The following ELP2 variants were observed in gnomAD, a reference collection of about 807,000 sequenced individuals.
The protein encoded by ELP2 is elongator acetyltransferase complex subunit 2, also known as elongator complex protein 2.
Under a neutral mutation model 119.2 loss-of-function variants are expected in ELP2, and 90 were observed. The ratio of observed to expected loss-of-function variants is 0.75; its 90% CI spans 0.64 to 0.90. The LOEUF is 0.90. Among genes scored for constraint, ELP2 ranks in the 40% least tolerant of loss-of-function variants. The probability of loss-of-function intolerance (pLI) is 0.00; values close to 1 mark genes in which losing one functional copy is unlikely to be tolerated. For missense variants in ELP2, 921 were observed against 967.8 expected (o/e 0.95, Z 0.64); for synonymous variants, 339 against 331.0 (o/e 1.02, Z -0.26).
At chr18:36,133,126 G>A in intron 1 of ELP2, 112 bp from the exon 2 acceptor site, 1 of 764,400 alleles carries the variant, frequency 1.3e-6, no homozygotes, top group Non-Finnish European at 2.3e-6. Context: ...TCTGTTTGAT[G>A]TAAACCTGAT....
At position 36,159,940 on chromosome 18, in the gene ELP2, A is replaced by G. The variant is rs1199687060; in HGVS notation, c.1631-18A>G. 4 of 1,613,686 alleles carry G rather than the reference A, an allele frequency of 2.5e-6. No homozygotes were observed. Among genetic ancestry groups the G allele is most frequent in the Non-Finnish European group, 3.4e-6 (4 of 1,179,742 alleles). ...AATTCACTTTTACATAGAAAAAAATAGCTTCAATTTATTCTAGAGCCTCCC... is the reference window on the plus strand; with the variant it reads ...AATTCACTTTTACATAGAAAAAAATGGCTTCAATTTATTCTAGAGCCTCCC... On this transcript the variant is annotated intron_variant, in intron 15 of 21. Coordinates refer to ENST00000358232, the MANE Select transcript of ELP2 (RefSeq NM_018255.4).
intron 21 of ELP2, among the ~76,000 whole-genome samples, chr18:36,172,088 C>T (rs910800756): frequency 7.4e-6 from 1 of 135,472 alleles, no homozygotes. Flanking sequence ...ACCAGTGAGA[C>T]CCCTGGTCTC....
chr18:36,164,097 T>C (rs2090821900), intron 17 of ELP2, among the ~76,000 whole-genome samples: 1 of 152,206 alleles, frequency 6.6e-6, no homozygotes, highest in South Asian at 2.1e-4. Context: ...TTTTTAAAAG[T>C]AAACCCTTTA....
intron 1 of ELP2, among the ~76,000 whole-genome samples, chr18:36,132,020 C>T (rs527655396): frequency 1.4e-5 from 2 of 140,842 alleles, no homozygotes; most frequent in African/African-American, 2.7e-5. Flanking sequence ...AAGTGATTCT[C>T]GTGCCTCAGC....
intron 13 of ELP2, among the ~76,000 whole-genome samples, chr18:36,158,090 T>G (rs1208050287): frequency 6.6e-6 from 1 of 152,186 alleles, no homozygotes; most frequent in African/African-American, 2.4e-5. Flanking sequence ...TAGTTTTTCT[T>G]TGTTTCTGAG....
chr18:36,170,140 C>T lies in ELP2; in HGVS notation c.2154C>T (p.Asp718=), dbSNP rs775459518. 1.7e-5 allele frequency: 27 copies of T among 1,613,904 alleles called. No homozygotes were observed. The highest frequency in any genetic ancestry group is 1.6e-4 in the Middle Eastern group (1 of 6,084). The change falls in exon 20 of 22, where the codon GAC becomes GAT. Residue 718 remains aspartate, a synonymous_variant. Transcript: ENST00000358232. ...TTGGCCCCTGCTCCTCAGTCCTGGA[C>T]GTGGGTGGGGCTGTGACAGCTGTCA... is the stretch of plus-strand genomic sequence containing the variant. ...HNIGPCSSVL[D]VGGAVTAVSV... is the part of the protein sequence containing the mutation.
chr18:36,166,079 G>A (rs893108579), intron 18 of ELP2, among the ~76,000 whole-genome samples: 3 of 151,612 alleles, frequency 2.0e-5, no homozygotes. Flanking sequence ...TGTAATCCCC[G>A]CTACTCAGGA....
chr18:36,160,010 A>G lies in ELP2; in HGVS notation c.1683A>G (p.Gln561=). 6.2e-7 allele frequency: 1 copy of G among 1,613,922 alleles called. No homozygotes were observed. The highest frequency in any genetic ancestry group is 1.1e-5 in the South Asian group (1 of 91,068). Residue 561 remains glutamine, a synonymous_variant, in exon 16 of 22, where the codon CAA becomes CAG. Transcript: ENST00000358232. ...LLQNTLWPEV[Q]KLYGHGYEIF... Reference sequence around the variant, plus strand: ...AGAATACTTTGTGGCCTGAAGTTCAAAAACTGTAAGTTAAACTGTATTTAG... The same window carrying G: ...AGAATACTTTGTGGCCTGAAGTTCAGAAACTGTAAGTTAAACTGTATTTAG...
intron 4 of ELP2, 57 bp from the exon 5 acceptor site, chr18:36,138,737 CT>C (rs1362328983): frequency 7.2e-7 from 1 of 1,385,546 alleles, no homozygotes; most frequent in African/African-American, 1.4e-5. Flanking sequence ...TCCAACCTGT[CT>C]AGTTGGATAA....
intron 11 of ELP2, among the ~76,000 whole-genome samples, chr18:36,152,639 C>T (rs1459376810): frequency 6.6e-6 from 1 of 152,190 alleles, no homozygotes; most frequent in Non-Finnish European, 1.5e-5. Context: ...TGGGGGTAAA[C>T]AGACCTTACA....
At chr18:36,158,751 C>A in intron 13 of ELP2, 84 bp from the exon 14 acceptor site, 1 of 991,286 alleles carries the variant, frequency 1.0e-6, no homozygotes, top group Non-Finnish European at 1.6e-6. Context: ...TTTGTAGTGC[C>A]TGAAGTAACA....
chr18:36,130,218 G>C lies in ELP2; in HGVS notation c.138+147G>C, dbSNP rs538796694. 115 of 1,018,954 alleles carry C rather than the reference G, an allele frequency of 1.1e-4. No homozygotes were observed. The African/African-American group carries it at 1.7e-3, about 15-fold the overall frequency. The allele number at this position is 1,018,954 out of a possible 1,614,324, so 63.1% of individuals were successfully genotyped here. On this transcript the variant is annotated intron_variant, in intron 1 of 21. Transcript: ENST00000358232. ...GCGGGGTTTGGGCTCGGAGTCTCCAGTGGACCTGCCGGACTCGCTCCTCAC... is the reference window on the plus strand; with the variant it reads ...GCGGGGTTTGGGCTCGGAGTCTCCACTGGACCTGCCGGACTCGCTCCTCAC...
At chr18:36,157,596 A>G (rs937939957) in intron 13 of ELP2, among the ~76,000 whole-genome samples, 2 of 152,190 alleles carry the variant, frequency 1.3e-5, no homozygotes, top group African/African-American at 4.8e-5. Flanking sequence ...GAAGAGAGTT[A>G]TCTGGAAGCC....
intron 11 of ELP2, among the ~76,000 whole-genome samples, chr18:36,151,078 CTT>C (rs34060952): frequency 7.1e-4 from 99 of 139,792 alleles, no homozygotes; most frequent in Non-Finnish European, 7.1e-4. Flanking sequence ...TGCCTTCCAG[CTT>C]TTTTTTTTTT....
chr18:36,163,677 C>G (rs918139856), intron 17 of ELP2, among the ~76,000 whole-genome samples: 4 of 152,034 alleles, frequency 2.6e-5, no homozygotes, highest in African/African-American at 4.8e-5. Flanking sequence ...ATTGTAGATA[C>G]CAGTTTCAGC....
chr18:36,138,514 C>A, intron 4 of ELP2, 88 bp downstream of exon 4: 1 of 1,420,430 alleles, frequency 7.0e-7, no homozygotes, highest in African/African-American at 1.4e-5. Context: ...TAATTCTTTA[C>A]AACTTTGGAG....
intron 13 of ELP2, among the ~76,000 whole-genome samples, chr18:36,158,106 G>A (rs2090626433): frequency 6.6e-6 from 1 of 152,108 alleles, no homozygotes; most frequent in Non-Finnish European, 1.5e-5. Context: ...CTGAGATAAA[G>A]CATACTGTTT....
chr18:36,142,792 GT>G, intron 7 of ELP2, 33 bp from the exon 8 acceptor site: 1 of 1,450,432 alleles, frequency 6.9e-7, no homozygotes, highest in Non-Finnish European at 9.6e-7. Context: ...ACAATATAAT[GT>G]TTTAAAATTA....
chr18:36,144,780 G>T (rs566566803), intron 8 of ELP2, among the ~76,000 whole-genome samples, 159 bp from the exon 9 acceptor site: 1 of 152,280 alleles, frequency 6.6e-6, no homozygotes, highest in African/African-American at 2.4e-5. Context: ...AGCAGTTGAG[G>T]TTGAAGAAAT....
Sources: allele counts gnomAD v4.1 joint callset (sites outside exome capture counted in the v4.1 genomes callset), GRCh38; gene constraint gnomAD v4.1.1; transcripts MANE v1.5; gene names NCBI Gene and HGNC (gene_info 2026-07-23, HGNC 2026-07-21).